COL27A1: variants seen among roughly 807,000 people sequenced by gnomAD.
The protein encoded by COL27A1 is collagen alpha-1(XXVII) chain.
A neutral mutation model predicts 251.3 loss-of-function variants in COL27A1; 106 were observed. That is an observed-to-expected ratio of 0.42 (90% CI 0.36 to 0.50). The LOEUF (loss-of-function observed/expected upper bound fraction) is 0.50. Among genes scored for constraint, COL27A1 ranks in the 20% least tolerant of loss-of-function variants. The pLI, the probability that COL27A1 is intolerant of heterozygous loss-of-function variation, is 0.00. For missense variants in COL27A1, 2,325 were observed against 2,522.8 expected (o/e 0.92, Z 1.68); for synonymous variants, 1,000 against 986.3 (o/e 1.01, Z -0.26).
intron 5 of COL27A1, among the ~76,000 whole-genome samples, chr9:114,184,275 G>T (rs1828159511): frequency 6.6e-6 from 1 of 152,226 alleles, no homozygotes; most frequent in Non-Finnish European, 1.5e-5. Context: ...CTTAAGGGAA[G>T]CCCTTAACTG....
chr9:114,183,249 G>A (rs59932831), intron 5 of COL27A1, among the ~76,000 whole-genome samples, 174 bp downstream of exon 5: 2,374 of 152,342 alleles, frequency 0.016, 77 homozygotes, highest in East Asian at 0.13. Flanking sequence ...TGCCTGGTCC[G>A]GAGACACAGT....
intron 35 of COL27A1, among the ~76,000 whole-genome samples, chr9:114,270,071 C>T (rs565842015): frequency 1.2e-3 from 176 of 152,300 alleles, no homozygotes; most frequent in Non-Finnish European, 2.1e-3. Flanking sequence ...GAAGAAAAGT[C>T]GAAAGACTGG....
intron 37 of COL27A1, among the ~76,000 whole-genome samples, chr9:114,281,999 C>A (rs999999054): frequency 6.6e-6 from 1 of 152,176 alleles, no homozygotes; most frequent in Non-Finnish European, 1.5e-5. Flanking sequence ...AGAAGCCGCA[C>A]CCGCCATCCA....
chr9:114,226,856 A>C (rs1367321204), intron 14 of COL27A1, among the ~76,000 whole-genome samples: 1 of 152,226 alleles, frequency 6.6e-6, no homozygotes, highest in Non-Finnish European at 1.5e-5. Context: ...GTCTGGGGGC[A>C]GCACAGGTGG....
In COL27A1 at chr9:114,301,790, G is replaced by T. The variant is rs1224208038; in HGVS notation, c.4845+73G>T. 31 of 1,436,402 alleles carry T rather than the reference G, an allele frequency of 2.2e-5. No homozygotes were observed. The Admixed American group carries it at 5.7e-4, about 27-fold the overall frequency. 89.0% of individuals were successfully genotyped at this position (1,436,402 alleles called of 1,614,324 possible). On this transcript the variant is annotated intron_variant, in intron 55 of 60. Coordinates refer to ENST00000356083, the MANE Select transcript of COL27A1 (RefSeq NM_032888.4). Reference sequence around the variant, plus strand: ...TTGAAGGAGATTCAAGGCTTCACCGGCAGACTAAGCCTTGACCCTGAACCC... The same window carrying T: ...TTGAAGGAGATTCAAGGCTTCACCGTCAGACTAAGCCTTGACCCTGAACCC...
chr9:114,261,174 C>G (rs948122940), intron 28 of COL27A1, among the ~76,000 whole-genome samples: 2 of 152,192 alleles, frequency 1.3e-5, no homozygotes, highest in Admixed American at 6.5e-5. Context: ...GCTTGTTCAT[C>G]GGCCCCTTTT....
rs764090980 is a variant in COL27A1, at chr9:114,284,793, G to A, written c.3987+16G>A. On this transcript the variant is annotated intron_variant, in intron 41 of 60. Coordinates refer to ENST00000356083, the MANE Select transcript of COL27A1 (RefSeq NM_032888.4). ...AGGCGAAAAGGTGGGTGTTTGCTCTGGGGAAAGCAGCTGCACCCTCGTGTC... is the reference window on the plus strand; with the variant it reads ...AGGCGAAAAGGTGGGTGTTTGCTCTAGGGAAAGCAGCTGCACCCTCGTGTC... The A allele has an allele frequency of 3.7e-6, 6 of 1,614,076 alleles. No homozygotes were observed. Among genetic ancestry groups the A allele is most frequent in the Non-Finnish European group, 4.2e-6 (5 of 1,179,916 alleles).
At position 114,309,295 on chromosome 9, in the gene COL27A1, C is replaced by T. The variant is rs767903261; in HGVS notation, c.5253C>T (p.Phe1751=). 68 of 1,614,058 alleles carry T rather than the reference C, an allele frequency of 4.2e-5. No homozygotes were observed. In the South Asian group the frequency reaches 6.4e-4, roughly 15 times the overall value. The part of the protein sequence containing the change: ...EFAISRVQMN[F]LHLLSSEVTQ... The stretch of plus-strand genomic sequence containing the variant: ...CCATCAGCCGGGTCCAGATGAATTT[C>T]CTGCACCTGCTAAGCTCCGAGGTGA... Residue 1751 remains phenylalanine (F), a synonymous_variant, in exon 60 of 61, where the codon TTC becomes TTT. Transcript: ENST00000356083.
intron 27 of COL27A1, among the ~76,000 whole-genome samples, chr9:114,257,037 G>C (rs2135553163): frequency 6.6e-6 from 1 of 152,312 alleles, no homozygotes; most frequent in Non-Finnish European, 1.5e-5. Context: ...CTGACGAAGG[G>C]TCAGCCTGGG....
chr9:114,210,642 A>G (rs921052242), intron 11 of COL27A1, among the ~76,000 whole-genome samples: 1 of 152,004 alleles, frequency 6.6e-6, no homozygotes, highest in African/African-American at 2.4e-5. Context: ...TGGCCTCGGG[A>G]TCTTCCTCCC....
At chr9:114,182,189 TAA>T (rs58383487) in intron 4 of COL27A1, among the ~76,000 whole-genome samples, 79,294 of 137,362 alleles carry the variant, frequency 0.58, 23,008 homozygotes, top group East Asian at 0.74. Flanking sequence ...ATAATAATAA[TAA>T]AATAATAAAA....
In COL27A1 at chr9:114,252,596, G is replaced by T. The variant is rs780590185; in HGVS notation, c.3037G>T (p.Asp1013Tyr). ...TGCATTGCTGTCTCCATCACAGGGT[G>T]ATCGTGGCATGATGGGACCCCCAGG... ...GEPGIVGEKG[D>Y]RGMMGPPGVP... Residue 1013 changes from aspartate (D) to tyrosine (Y), a missense_variant, in exon 26 of 61, where the codon GAT becomes TAT. This residue lies in a region of COL27A1 where 662 missense variants were observed against 795.3 expected (regional missense o/e 0.83). Coordinates refer to ENST00000356083, the MANE Select transcript of COL27A1 (RefSeq NM_032888.4). 2.5e-6 allele frequency: 4 copies of T among 1,613,848 alleles called. No individual in the cohort carries two copies. In the African/African-American group the frequency reaches 5.3e-5, roughly 22 times the overall value.
At chr9:114,301,606 C>T in intron 54 of COL27A1, 76 bp from the exon 55 acceptor site, 1 of 1,534,160 alleles carries the variant, frequency 6.5e-7, no homozygotes, top group Non-Finnish European at 8.8e-7. Context: ...CCCAGGTCTG[C>T]TTGAGGAGGG....
chr9:114,245,047 A>G (rs1417929796), intron 23 of COL27A1, among the ~76,000 whole-genome samples: 1 of 151,480 alleles, frequency 6.6e-6, no homozygotes, highest in African/African-American at 2.4e-5. Context: ...CTGGTGGCAG[A>G]GCTCTAGTGT....
chr9:114,295,428 G>T (rs1828196870), intron 49 of COL27A1, among the ~76,000 whole-genome samples: 1 of 152,170 alleles, frequency 6.6e-6, no homozygotes, highest in Non-Finnish European at 1.5e-5. Context: ...TGTAGAAAAT[G>T]ACAAGTTGGT....
chr9:114,297,116 G>A (rs955461504), intron 49 of COL27A1, among the ~76,000 whole-genome samples: 1 of 152,206 alleles, frequency 6.6e-6, no homozygotes, highest in South Asian at 2.1e-4. Context: ...GGATGTTATT[G>A]TCTTGGTTGT....
At chr9:114,176,540 TG>T (rs34210707) in intron 3 of COL27A1, among the ~76,000 whole-genome samples, 8,088 of 148,476 alleles carry the variant, frequency 0.054, 311 homozygotes, top group African/African-American at 0.11. Flanking sequence ...AGTAGGTGGG[TG>T]GGGGGGGGTG....
At chr9:114,189,685 T>C (rs1376661533) in intron 5 of COL27A1, among the ~76,000 whole-genome samples, 1 of 152,226 alleles carries the variant, frequency 6.6e-6, no homozygotes, top group East Asian at 1.9e-4. Context: ...ATGGTTTTTA[T>C]TACATAAGCC....
In COL27A1 at chr9:114,243,924, C is replaced by CTTT. The variant is rs1564515708; in HGVS notation, c.2934+364_2934+365insTTT. Among the ~76,000 whole-genome samples the CTTT allele has an allele frequency of 9.4e-5, 13 of 138,064 alleles. 2 individuals carry two copies. Among genetic ancestry groups the CTTT allele is most frequent in the Admixed American group, 1.4e-4 (2 of 13,842 alleles). The allele number at this position is 138,064 out of a possible 152,430, so 90.6% of individuals were successfully genotyped here. ...TTGCACCGTTTCTGTTTTTTTCTTT[C>CTTT]ATTTTTTTTTTTTTTTTTTTGAGAT... On this transcript the variant is annotated intron_variant, in intron 23 of 60. Transcript: ENST00000356083.
Sources: allele counts gnomAD v4.1 joint callset (sites outside exome capture counted in the v4.1 genomes callset), GRCh38; gene constraint gnomAD v4.1.1; regional missense constraint gnomAD v4.1.1; transcripts MANE v1.5; gene names NCBI Gene and HGNC (gene_info 2026-07-23, HGNC 2026-07-21).